Variants in DNA2 observed in about 807,000 individuals in gnomAD.
DNA2 encodes the protein DNA replication ATP-dependent helicase/nuclease DNA2.
A neutral mutation model predicts 119.1 loss-of-function variants in DNA2; 101 were observed. That is an observed-to-expected ratio of 0.85 (90% CI 0.72 to 1.00). The LOEUF is 1.00. Among genes scored for constraint, DNA2 ranks in the 50% least tolerant of loss-of-function variants. DNA2 has a pLI of 0.00. For missense variants in DNA2, 1,121 were observed against 1,255.5 expected (o/e 0.89, Z 1.62); for synonymous variants, 366 against 424.4 (o/e 0.86, Z 1.69).
At chr10:68,462,849 C>G (rs540230007) in intron 4 of DNA2, among the ~76,000 whole-genome samples, 2 of 152,316 alleles carry the variant, frequency 1.3e-5, no homozygotes, top group East Asian at 3.9e-4. Context: ...AAAGTATAGG[C>G]TGGGCATGGT....
intron 10 of DNA2, among the ~76,000 whole-genome samples, chr10:68,436,302 T>C (rs2051887847): frequency 6.6e-6 from 1 of 152,072 alleles, no homozygotes; most frequent in Non-Finnish European, 1.5e-5. Context: ...TTAGGCTAAG[T>C]GAAAGAAGCA....
intron 4 of DNA2, among the ~76,000 whole-genome samples, chr10:68,460,264 G>A (rs556362863): frequency 6.6e-6 from 1 of 151,828 alleles, no homozygotes; most frequent in South Asian, 2.1e-4. Flanking sequence ...ACACCACCAT[G>A]CTAAGGTAAT....
intron 5 of DNA2, among the ~76,000 whole-genome samples, chr10:68,455,409 C>T (rs896097732): frequency 6.6e-6 from 1 of 152,120 alleles, no homozygotes; most frequent in Admixed American, 6.6e-5. Flanking sequence ...AAAAATGAAA[C>T]ATTTATAAAT....
At chr10:68,443,719 C>A (rs761550785) in intron 8 of DNA2, among the ~76,000 whole-genome samples, 1 of 152,176 alleles carries the variant, frequency 6.6e-6, no homozygotes, top group Non-Finnish European at 1.5e-5. Context: ...GAGGCCAAGG[C>A]GGGTGGATTG....
intron 10 of DNA2, among the ~76,000 whole-genome samples, chr10:68,435,189 G>T (rs1209569876): frequency 6.6e-6 from 1 of 151,918 alleles, no homozygotes; most frequent in Non-Finnish European, 1.5e-5. Context: ...CAGTACCTGG[G>T]ACTAAAGACA....
chr10:68,416,482 C>G (rs2051590870), intron 20 of DNA2: 1 of 418,590 alleles, frequency 2.4e-6, no homozygotes. Flanking sequence ...AAATAATACT[C>G]CATTTTAATC....
intron 19 of DNA2, among the ~76,000 whole-genome samples, chr10:68,417,895 G>C (rs2051612387): frequency 2.0e-5 from 3 of 152,206 alleles, no homozygotes; most frequent in African/African-American, 7.2e-5. Flanking sequence ...AGTGAAATAA[G>C]GTAGTCACAA....
intron 4 of DNA2, among the ~76,000 whole-genome samples, chr10:68,462,808 T>C (rs577848001): frequency 6.6e-6 from 1 of 152,282 alleles, no homozygotes; most frequent in Admixed American, 6.5e-5. Context: ...ACAATGTATG[T>C]AAAGCACTTA....
chr10:68,416,895 A>G, intron 19 of DNA2, 40 bp from the exon 20 acceptor site: 1 of 1,560,778 alleles, frequency 6.4e-7, no homozygotes, highest in Non-Finnish European at 8.8e-7. Flanking sequence ...AGTTCAAAGG[A>G]ATGGTTAAAT....
intron 5 of DNA2, 57 bp downstream of exon 5, chr10:68,459,047 T>C (rs2052221802): frequency 7.1e-7 from 1 of 1,412,338 alleles, no homozygotes; most frequent in Non-Finnish European, 9.4e-7. Flanking sequence ...ACACACAGAA[T>C]GGCATCCTGG....
At chr10:68,432,607 A>G in intron 10 of DNA2, 97 bp from the exon 11 acceptor site, 1 of 743,456 alleles carries the variant, frequency 1.3e-6, no homozygotes, top group South Asian at 1.7e-5. Flanking sequence ...ATGGGCCAGA[A>G]TAGCTATTAA....
chr10:68,423,781 C>T (rs1024993554), intron 14 of DNA2, among the ~76,000 whole-genome samples: 3 of 152,198 alleles, frequency 2.0e-5, no homozygotes, highest in African/African-American at 7.2e-5. Flanking sequence ...CCACCCCAAC[C>T]AAGTGGGCCC....
chr10:68,449,037 G>A (rs1228499635), intron 6 of DNA2, among the ~76,000 whole-genome samples: 1 of 145,256 alleles, frequency 6.9e-6, no homozygotes, highest in Non-Finnish European at 1.5e-5. Flanking sequence ...GACCTCAAGT[G>A]ATCCACCCAC....
chr10:68,462,941 C>A (rs1390986267), intron 4 of DNA2, among the ~76,000 whole-genome samples: 8 of 150,706 alleles, frequency 5.3e-5, no homozygotes, highest in Non-Finnish European at 1.2e-4. Flanking sequence ...CCAGCCTGGC[C>A]AACATGGTGA....
chr10:68,465,309 A>G (rs536566048), intron 4 of DNA2, among the ~76,000 whole-genome samples: 5 of 152,114 alleles, frequency 3.3e-5, no homozygotes, highest in African/African-American at 9.6e-5. Flanking sequence ...GAGCCACCGC[A>G]CCTGGCCGTA....
Position 68,426,296 on chromosome 10 carries a change from G to A in DNA2, c.2209-3406C>T, listed in dbSNP as rs1480687291. On this transcript the variant is annotated intron_variant, in intron 14 of 20. Transcript: ENST00000358410. ...CTCACGCCTGTAATCCCAGCACTTT[G>A]GGAGACTGAGGTGGGCGGATCACCT... 2.0e-5 allele frequency among the ~76,000 whole-genome samples: 3 copies of A among 151,618 alleles called. No individual in the cohort carries two copies. The East Asian group carries it at 5.8e-4, about 29-fold the overall frequency.
rs1466187037 is a variant in DNA2, at chr10:68,414,151, T to C, written c.*888A>G. ...AGGTAGAAATAAAAATTTTAACATA[T>C]TTAACACTCATTAAAAAAAACCCTC... On this transcript the variant is annotated 3_prime_UTR_variant, in exon 21 of 21. Transcript: ENST00000358410. The C allele has an allele frequency of 6.6e-6, 1 of 151,874 alleles. No individual in the cohort carries two copies. The highest frequency in any genetic ancestry group is 1.5e-5 in the Non-Finnish European group (1 of 67,994). The allele number at this position is 151,874 out of a possible 1,614,324, so 9.4% of individuals were successfully genotyped here. A position where few individuals can be genotyped will look rare whatever the true frequency, so the allele number is the denominator to read the frequency against.
chr10:68,464,500 G>A (rs896727907), intron 4 of DNA2, among the ~76,000 whole-genome samples: 1 of 151,284 alleles, frequency 6.6e-6, no homozygotes, highest in African/African-American at 2.4e-5. Context: ...GGGTGACAGA[G>A]CAAGACTCCG....
At chr10:68,458,667 G>A (rs2133430140) in intron 5 of DNA2, among the ~76,000 whole-genome samples, 1 of 151,904 alleles carries the variant, frequency 6.6e-6, no homozygotes, top group East Asian at 1.9e-4. Flanking sequence ...TAGCCAACAT[G>A]GTGAAACCCT....
Sources: allele counts gnomAD v4.1 joint callset (sites outside exome capture counted in the v4.1 genomes callset), GRCh38; gene constraint gnomAD v4.1.1; transcripts MANE v1.5; gene names NCBI Gene and HGNC (gene_info 2026-07-23, HGNC 2026-07-21).